The following VAV3 variants were observed in gnomAD, a reference collection of about 807,000 sequenced individuals.
VAV3 encodes the protein guanine nucleotide exchange factor VAV3.
Under a neutral mutation model 131.2 loss-of-function variants are expected in VAV3, and 94 were observed. That is an observed-to-expected ratio of 0.72 (90% CI 0.61 to 0.85). The LOEUF is 0.85. Ranked by LOEUF, VAV3 falls within the 40% of genes least tolerant of loss-of-function variation. The pLI is 0.00. For synonymous variants in VAV3, 349 were observed against 342.0 expected, an observed-to-expected ratio of 1.02 and a Z score of -0.22; for missense variants, 939 against 1,002.7, an observed-to-expected ratio of 0.94 and a Z score of 0.86.
At chr1:107,635,822 A>G (rs1314766483) in intron 20 of VAV3, among the ~76,000 whole-genome samples, 1 of 152,196 alleles carries the variant, frequency 6.6e-6, no homozygotes, top group Non-Finnish European at 1.5e-5. Context: ...CTAGAGCGTA[A>G]TAGTAAAGAG....
intron 15 of VAV3, among the ~76,000 whole-genome samples, chr1:107,707,426 T>C (rs550192433): frequency 1.2e-4 from 18 of 152,328 alleles, no homozygotes; most frequent in African/African-American, 3.8e-4. Flanking sequence ...AAGTGATATA[T>C]GTAACGTGCT....
rs1421600166 is a variant in VAV3 at position 107,571,331 on chromosome 1, A to T, written c.*2000T>A. Reference sequence around the variant, plus strand: ...ACTCTACACAAATCTGCAGCATTTAAATTTTCCAAAACAAAGTATTAAACG... The same window carrying T: ...ACTCTACACAAATCTGCAGCATTTATATTTTCCAAAACAAAGTATTAAACG... On this transcript the variant is annotated 3_prime_UTR_variant, in exon 27 of 27. Coordinates refer to ENST00000370056, the MANE Select transcript of VAV3 (RefSeq NM_006113.5). 6.5e-6 allele frequency: 1 copy of T among 152,784 alleles called. No homozygotes were observed. The highest frequency in any genetic ancestry group is 1.9e-4 in the East Asian group (1 of 5,180). The allele number at this position is 152,784 out of a possible 1,614,324, so 9.5% of individuals were successfully genotyped here. A position where few individuals can be genotyped will look rare whatever the true frequency, so the allele number is the denominator to read the frequency against.
At chr1:107,836,137 A>C (rs902261665) in intron 2 of VAV3, among the ~76,000 whole-genome samples, 2 of 152,248 alleles carry the variant, frequency 1.3e-5, no homozygotes, top group Admixed American at 6.5e-5. Flanking sequence ...CAGAAACCTA[A>C]CAAAGAAATT....
chr1:107,950,862 G>A (rs776272063), intron 1 of VAV3, among the ~76,000 whole-genome samples: 10 of 152,160 alleles, frequency 6.6e-5, no homozygotes, highest in Non-Finnish European at 1.3e-4. Context: ...GAGGGAGGGA[G>A]AAGTAGCAAG....
At chr1:107,964,601 A>C in intron 1 of VAV3, 65 bp downstream of exon 1, 4 of 1,546,098 alleles carry the variant, frequency 2.6e-6, no homozygotes, top group Non-Finnish European at 3.5e-6. Context: ...TTACACAAAG[A>C]AATTAGCCGC....
chr1:107,610,442 T>C (rs1229081710), intron 21 of VAV3, among the ~76,000 whole-genome samples: 1 of 152,008 alleles, frequency 6.6e-6, no homozygotes, highest in Non-Finnish European at 1.5e-5. Context: ...AAAATTAAAG[T>C]GAAAACATTA....
At chr1:107,735,449 T>C (rs946778436) in intron 15 of VAV3, among the ~76,000 whole-genome samples, 11 of 151,754 alleles carry the variant, frequency 7.2e-5, no homozygotes, top group Non-Finnish European at 4.4e-5. Flanking sequence ...ACAAAATAGA[T>C]AGACCGCTAG....
chr1:107,768,355 T>C, intron 7 of VAV3, 86 bp downstream of exon 7: 2 of 970,800 alleles, frequency 2.1e-6, no homozygotes, highest in Non-Finnish European at 3.0e-6. Context: ...TACAAAAGAG[T>C]ATTAAAATAG....
At chr1:107,622,822 C>G (rs1653708126) in intron 20 of VAV3, among the ~76,000 whole-genome samples, 2 of 152,062 alleles carry the variant, frequency 1.3e-5, no homozygotes, top group Non-Finnish European at 2.9e-5. Flanking sequence ...AGAAGATGTA[C>G]AGCATGGCCA....
chr1:107,631,314 A>G (rs182951760), intron 20 of VAV3, among the ~76,000 whole-genome samples: 26 of 152,180 alleles, frequency 1.7e-4, no homozygotes, highest in Admixed American at 1.7e-3. Flanking sequence ...ATGCAGGCAT[A>G]ATACATGTTT....
chr1:107,856,813 G>A (rs1669491246), intron 2 of VAV3, among the ~76,000 whole-genome samples: 1 of 151,868 alleles, frequency 6.6e-6, no homozygotes, highest in African/African-American at 2.4e-5. Flanking sequence ...GAGGCTGGAG[G>A]ATCACTTGAG....
chr1:107,642,371 T>C (rs1431336085), intron 20 of VAV3, among the ~76,000 whole-genome samples: 1 of 152,140 alleles, frequency 6.6e-6, no homozygotes, highest in Non-Finnish European at 1.5e-5. Flanking sequence ...CAATATGATC[T>C]AAAAAGGGGA....
intron 19 of VAV3, among the ~76,000 whole-genome samples, chr1:107,682,348 A>G (rs569267796): frequency 6.6e-6 from 1 of 152,360 alleles, no homozygotes; most frequent in South Asian, 2.1e-4. Flanking sequence ...TAACTCACAC[A>G]AAATAAGACA....
At chr1:107,727,331 A>C (rs17019823) in intron 15 of VAV3, among the ~76,000 whole-genome samples, 15,018 of 152,270 alleles carry the variant, frequency 0.099, 924 homozygotes, top group East Asian at 0.26. Context: ...TCTGTTTTTA[A>C]GATGATGAAT....
At chr1:107,774,242 T>C (rs894456177) in intron 4 of VAV3, among the ~76,000 whole-genome samples, 5 of 152,078 alleles carry the variant, frequency 3.3e-5, no homozygotes, top group African/African-American at 4.8e-5. Context: ...AATTTTTGTA[T>C]TTTTAGTAGA....
intron 19 of VAV3, among the ~76,000 whole-genome samples, chr1:107,652,373 C>G (rs201406581): frequency 1.2e-3 from 176 of 152,256 alleles, no homozygotes; most frequent in East Asian, 0.01. Context: ...AATGGCCAAT[C>G]AACAGTCCCT....
At chr1:107,736,327 T>C (rs908693624) in intron 15 of VAV3, among the ~76,000 whole-genome samples, 6 of 152,138 alleles carry the variant, frequency 3.9e-5, no homozygotes, top group African/African-American at 7.2e-5. Flanking sequence ...TCACCACTCC[T>C]ATTCAACATA....
chr1:107,590,693 T>C (rs976148706), intron 25 of VAV3, among the ~76,000 whole-genome samples: 5 of 152,184 alleles, frequency 3.3e-5, no homozygotes, highest in Admixed American at 3.3e-4. Context: ...CACTTGCCAG[T>C]TGTCCAAAGC....
chr1:107,964,644 G>T, intron 1 of VAV3, 22 bp downstream of exon 1: 1 of 1,605,462 alleles, frequency 6.2e-7, no homozygotes. Flanking sequence ...TGGAGGCGGG[G>T]CGCCCGTGCC....
Sources: allele counts gnomAD v4.1 joint callset (sites outside exome capture counted in the v4.1 genomes callset), GRCh38; gene constraint gnomAD v4.1.1; transcripts MANE v1.5; gene names NCBI Gene and HGNC (gene_info 2026-07-23, HGNC 2026-07-21).